The following DIAPH3 variants were observed in gnomAD, a reference collection of about 807,000 sequenced individuals.
DIAPH3 encodes the protein protein diaphanous homolog 3.
In DIAPH3, 117 loss-of-function variants were observed where a neutral mutation model predicts 144.3. The ratio of observed to expected loss-of-function variants is 0.81; its 90% CI spans 0.70 to 0.95. The LOEUF is 0.95. DIAPH3 is among the 40% of genes least tolerant of loss of function. The pLI is 0.00. For synonymous variants in DIAPH3, 519 were observed against 488.9 expected (o/e 1.06, Z -0.81); for missense variants, 1,421 against 1,412.7 (o/e 1.01, Z -0.09).
chr13:59,671,865 T>C (rs1308208295), intron 27 of DIAPH3, among the ~76,000 whole-genome samples: 1 of 152,204 alleles, frequency 6.6e-6, no homozygotes, highest in East Asian at 1.9e-4. Context: ...TGATACCCAC[T>C]GGACTTAAAA....
chr13:60,088,834 C>T (rs563873829), intron 4 of DIAPH3, among the ~76,000 whole-genome samples: 1 of 152,284 alleles, frequency 6.6e-6, no homozygotes, highest in South Asian at 2.1e-4. Flanking sequence ...GTTAGCCAGG[C>T]TGGTCTGGAA....
intron 25 of DIAPH3, among the ~76,000 whole-genome samples, chr13:59,785,895 G>A (rs2039008097): frequency 6.6e-6 from 1 of 152,182 alleles, no homozygotes; most frequent in Non-Finnish European, 1.5e-5. Flanking sequence ...AATTACGGCA[G>A]CTATGACTGC....
At chr13:59,950,742 G>A (rs1185754172) in intron 17 of DIAPH3, among the ~76,000 whole-genome samples, 10 of 151,944 alleles carry the variant, frequency 6.6e-5, no homozygotes. Flanking sequence ...ATACTTAATA[G>A]CTGTGATATA....
chr13:60,076,619 T>C (rs920125276), intron 4 of DIAPH3, among the ~76,000 whole-genome samples: 3 of 152,192 alleles, frequency 2.0e-5, no homozygotes, highest in African/African-American at 7.2e-5. Context: ...GATAAATGCC[T>C]CATCTTTGGT....
rs572248087 is a variant in DIAPH3 at position 59,783,421 on chromosome 13, T to C, written c.3164-8598A>G. ...ATTTTGGATATGTTAAGTTGAAATG[T>C]TCATGAGATATACAAATACAAAGTG... is the stretch of plus-strand genomic sequence containing the variant. On this transcript the variant is annotated intron_variant, in intron 25 of 27. Coordinates refer to ENST00000400324, the MANE Select transcript of DIAPH3 (RefSeq NM_001042517.2). Among the ~76,000 whole-genome samples the C allele has an allele frequency of 4.6e-5, 7 of 152,298 alleles. No homozygotes were observed. In the South Asian group the frequency reaches 1.5e-3, roughly 32 times the overall value.
At chr13:59,852,325 C>A (rs1256270790) in intron 22 of DIAPH3, among the ~76,000 whole-genome samples, 1 of 152,192 alleles carries the variant, frequency 6.6e-6, no homozygotes, top group African/African-American at 2.4e-5. Flanking sequence ...GCACTTATAT[C>A]ATTTCTCATA....
At chr13:59,914,068 A>G (rs1184300085) in intron 19 of DIAPH3, among the ~76,000 whole-genome samples, 1 of 152,204 alleles carries the variant, frequency 6.6e-6, no homozygotes, top group Non-Finnish European at 1.5e-5. Flanking sequence ...GACTGATGTG[A>G]CAAACAAAGG....
intron 20 of DIAPH3, among the ~76,000 whole-genome samples, chr13:59,881,919 T>C (rs555627788): frequency 6.6e-6 from 1 of 152,170 alleles, no homozygotes; most frequent in Non-Finnish European, 1.5e-5. Flanking sequence ...AATTATTGAG[T>C]GGGAAAAGAA....
chr13:59,782,950 T>G (rs902216008), intron 25 of DIAPH3, among the ~76,000 whole-genome samples: 3 of 151,968 alleles, frequency 2.0e-5, no homozygotes, highest in African/African-American at 7.3e-5. Context: ...GAGGTGAAGG[T>G]GAAGAGAGAG....
At chr13:59,785,991 A>G (rs1004077673) in intron 25 of DIAPH3, among the ~76,000 whole-genome samples, 1 of 152,128 alleles carries the variant, frequency 6.6e-6, no homozygotes, top group East Asian at 1.9e-4. Context: ...ACAGACCACA[A>G]GGTCATTCTT....
chr13:59,868,461 A>G (rs1325663387), intron 21 of DIAPH3, among the ~76,000 whole-genome samples: 1 of 152,138 alleles, frequency 6.6e-6, no homozygotes, highest in Non-Finnish European at 1.5e-5. Context: ...CTAACAGAAA[A>G]CAGAGTTCCT....
chr13:59,709,340 A>C (rs1170788831), intron 27 of DIAPH3, among the ~76,000 whole-genome samples: 14 of 152,160 alleles, frequency 9.2e-5, no homozygotes, highest in Admixed American at 9.2e-4. Context: ...TTCGCAACCT[A>C]CTCATCTGAC....
intron 17 of DIAPH3, among the ~76,000 whole-genome samples, chr13:59,967,807 C>T (rs993370554): frequency 2.0e-5 from 3 of 152,144 alleles, no homozygotes; most frequent in Non-Finnish European, 4.4e-5. Flanking sequence ...CTTTACAGCT[C>T]ATCTCTGCTT....
intron 13 of DIAPH3, among the ~76,000 whole-genome samples, chr13:59,981,318 T>C (rs2050998591): frequency 6.6e-6 from 1 of 151,432 alleles, no homozygotes; most frequent in Non-Finnish European, 1.5e-5. Context: ...ATGTGAAGAT[T>C]AAATGACTGA....
intron 27 of DIAPH3, among the ~76,000 whole-genome samples, chr13:59,707,327 C>T (rs550121999): frequency 9.2e-5 from 14 of 152,176 alleles, no homozygotes; most frequent in African/African-American, 2.2e-4. Flanking sequence ...AAATGTAGTA[C>T]GCTGGCACCT....
intron 19 of DIAPH3, among the ~76,000 whole-genome samples, chr13:59,913,965 A>C (rs1265539753): frequency 1.3e-5 from 2 of 152,146 alleles, no homozygotes; most frequent in African/African-American, 2.4e-5. Context: ...CAAAAAAAAA[A>C]CAAAAGTAAT....
At chr13:59,696,240 T>C (rs759083084) in intron 27 of DIAPH3, 3 of 152,208 alleles carry the variant, frequency 2.0e-5, no homozygotes, top group African/African-American at 7.2e-5. Context: ...CAATCACTTT[T>C]TAGAAATAGC....
At chr13:59,954,148 A>G (rs1200228067) in intron 17 of DIAPH3, among the ~76,000 whole-genome samples, 1 of 152,202 alleles carries the variant, frequency 6.6e-6, no homozygotes, top group African/African-American at 2.4e-5. Flanking sequence ...GGAAAGAACA[A>G]AAGTTATGAA....
intron 27 of DIAPH3, among the ~76,000 whole-genome samples, chr13:59,759,123 T>C (rs2037442116): frequency 6.6e-6 from 1 of 152,060 alleles, no homozygotes; most frequent in Non-Finnish European, 1.5e-5. Context: ...GATTTTGAAA[T>C]AGTGCTTGGC....
Sources: gnomAD v4.1 joint callset for allele counts (sites outside exome capture counted in the v4.1 genomes callset) on GRCh38, gnomAD v4.1.1 for gene constraint, MANE v1.5 for transcripts, NCBI Gene and HGNC (gene_info 2026-07-23, HGNC 2026-07-21) for gene names.